Variants in ZC3H18 observed in about 807,000 individuals in gnomAD.
ZC3H18 encodes the protein zinc finger CCCH-type containing 18.
In ZC3H18, 8 loss-of-function variants were observed where a neutral mutation model predicts 106.1. The ratio of observed to expected loss-of-function variants is 0.08; its 90% CI spans 0.04 to 0.14. The LOEUF (loss-of-function observed/expected upper bound fraction) is 0.14. ZC3H18 is among the 10% of genes least tolerant of loss of function. ZC3H18 has a pLI of 1.00. For missense variants in ZC3H18, 1,318 were observed against 1,278.4 expected (o/e 1.03, Z -0.47); for synonymous variants, 635 against 522.1 (o/e 1.22, Z -2.95).
intron 3 of ZC3H18, chr16:88,587,711 G>A: frequency 8.1e-7 from 1 of 1,237,360 alleles, no homozygotes; most frequent in Non-Finnish European, 1.1e-6. Flanking sequence ...CAGCTGTGAA[G>A]CCAGAAGGAA....
At chr16:88,624,938 C>T (rs559337258) in intron 12 of ZC3H18, among the ~76,000 whole-genome samples, 193 bp downstream of exon 12, 62 of 152,258 alleles carry the variant, frequency 4.1e-4, no homozygotes, top group Non-Finnish European at 8.5e-4. Flanking sequence ...GTTTCTGGAG[C>T]GTGAAGGGGA....
chr16:88,590,303 G>A (rs186183411), intron 3 of ZC3H18, among the ~76,000 whole-genome samples: 3 of 152,236 alleles, frequency 2.0e-5, no homozygotes, highest in Admixed American at 1.3e-4. Context: ...TCATTTAATC[G>A]CTTAGTGGAC....
At chr16:88,615,768 C>G (rs535142472) in intron 8 of ZC3H18, among the ~76,000 whole-genome samples, 5 of 152,320 alleles carry the variant, frequency 3.3e-5, no homozygotes, top group African/African-American at 1.2e-4. Flanking sequence ...GGCACACGTG[C>G]CTGGCCACAG....
intron 1 of ZC3H18, among the ~76,000 whole-genome samples, chr16:88,576,584 C>G (rs551324237): frequency 1.6e-4 from 24 of 152,238 alleles, no homozygotes; most frequent in African/African-American, 2.4e-4. Context: ...GGCTGGCCTT[C>G]GAGAAGTGTG....
At chr16:88,598,577 A>G (rs771151306) in intron 4 of ZC3H18, 43 bp from the exon 5 acceptor site, 1 of 1,569,742 alleles carries the variant, frequency 6.4e-7, no homozygotes, top group South Asian at 1.1e-5. Context: ...TGTACACTTG[A>G]AAGTTTTACT....
intron 9 of ZC3H18, 84 bp downstream of exon 9, chr16:88,622,472 G>T: frequency 7.0e-7 from 1 of 1,424,088 alleles, no homozygotes; most frequent in Non-Finnish European, 9.4e-7. Flanking sequence ...GTCAGGTGGG[G>T]AACACCCCAG....
chr16:88,613,110 C>T (rs1346663139), intron 8 of ZC3H18, among the ~76,000 whole-genome samples: 3 of 152,236 alleles, frequency 2.0e-5, no homozygotes, highest in African/African-American at 7.2e-5. Context: ...CCATTCAGAA[C>T]GTTTTGTAGA....
Position 88,609,040 on chromosome 16 carries a change from C to A in ZC3H18, c.1195C>A (p.His399Asn). The A allele has an allele frequency of 1.9e-6, 3 of 1,612,564 alleles. No homozygotes were observed. Among genetic ancestry groups the A allele is most frequent in the Non-Finnish European group, 2.5e-6 (3 of 1,179,004 alleles). The change falls in exon 7 of 18, where the codon CAT becomes AAT. Residue 399 changes from histidine (H) to asparagine (N), a missense_variant. His to Asn is a moderately conservative substitution (Grantham distance 68). Transcript: ENST00000301011. Reference protein sequence around the residue: ...RVQYTETEPYHNYRERERERE... With the variant: ...RVQYTETEPYNNYRERERERE... ...GCAGTATACAGAAACAGAGCCGTAT[C>A]ATAATTACCGAGTAAGTATGACTTC...
chr16:88,597,621 A>G (rs1597336497), intron 3 of ZC3H18, among the ~76,000 whole-genome samples: 1 of 152,194 alleles, frequency 6.6e-6, no homozygotes, highest in East Asian at 1.9e-4. Flanking sequence ...TGTGATTGTT[A>G]TTTATGAGCA....
At position 88,577,442 on chromosome 16, in the gene ZC3H18, G is replaced by A. The variant is rs763073773; in HGVS notation, c.319G>A (p.Asp107Asn). The A allele has an allele frequency of 1.2e-5, 20 of 1,609,636 alleles. No homozygotes were observed. Among genetic ancestry groups the A allele is most frequent in the Non-Finnish European group, 1.6e-5 (19 of 1,177,424 alleles). ...CEEEGDEGEE[D>N]RTSDLRDEAS... Reference sequence around the variant, plus strand: ...GGAGGAGGGGGACGAAGGGGAGGAAGACCGGACAAGCGACCTTAGGGATGA... The same window carrying A: ...GGAGGAGGGGGACGAAGGGGAGGAAAACCGGACAAGCGACCTTAGGGATGA... The change falls in exon 2 of 18, where the codon GAC becomes AAC. Residue 107 changes from aspartate to asparagine, a missense_variant. Physicochemically the swap from Asp to Asn is conservative, Grantham distance 23. Around this residue, in one of 6 missense-constraint regions of ZC3H18, gnomAD observed 346 missense variants for 269.0 expected, o/e 1.29. Transcript: ENST00000301011.
Position 88,631,308 on chromosome 16 carries a change from C to T in ZC3H18, c.*9C>T, listed in dbSNP as rs1345494917. 6.4e-7 allele frequency: 1 copy of T among 1,566,868 alleles called. No homozygotes were observed. The highest frequency in any genetic ancestry group is 1.2e-5 in the South Asian group (1 of 86,660). ...TCCCCGGGAAAGCATAGGCCGTGCC[C>T]CGACCGGACTGGACGCATTTTTATA... On this transcript the variant is annotated 3_prime_UTR_variant, in exon 18 of 18. Transcript: ENST00000301011.
chr16:88,613,256 C>T (rs1905373229), intron 8 of ZC3H18, among the ~76,000 whole-genome samples: 1 of 152,192 alleles, frequency 6.6e-6, no homozygotes. Flanking sequence ...CTCTGTTCGT[C>T]TGTTGATGGA....
intron 7 of ZC3H18, among the ~76,000 whole-genome samples, chr16:88,610,872 C>A (rs1905237956): frequency 6.6e-6 from 1 of 152,242 alleles, no homozygotes; most frequent in Admixed American, 6.5e-5. Context: ...GGAAGGCCAT[C>A]TGTGCCAACG....
At chr16:88,570,833 C>T (rs1381856601) in intron 1 of ZC3H18, among the ~76,000 whole-genome samples, 5 of 152,200 alleles carry the variant, frequency 3.3e-5, no homozygotes, top group African/African-American at 9.6e-5. Context: ...CTCCGCGCCC[C>T]GCGGCAGAGT....
rs1328132348 is a variant in ZC3H18 at position 88,598,236 on chromosome 16, G to A, written c.747G>A (p.Gly249=). The change falls in exon 4 of 18, where the codon GGG becomes GGA. Residue 249 remains glycine (G), a synonymous_variant. Coordinates refer to ENST00000301011, the MANE Select transcript of ZC3H18 (RefSeq NM_144604.4). ...TACACCCTGGAGTGAACGACAAGGG[G>A]AACTACTCCCTAATCACCAAAGCCG... is the stretch of plus-strand genomic sequence containing the variant. ...RFIHPGVNDK[G]NYSLITKADP... is the part of the protein sequence containing the mutation. 6.2e-7 allele frequency: 1 copy of A among 1,613,812 alleles called. No homozygotes were observed. Among genetic ancestry groups the A allele is most frequent in the Non-Finnish European group, 8.5e-7 (1 of 1,179,904 alleles).
At position 88,625,309 on chromosome 16, in the gene ZC3H18, C is replaced by T. The variant is rs376522185; in HGVS notation, c.2108+42C>T. The T allele has an allele frequency of 1.7e-5, 26 of 1,556,698 alleles. No homozygotes were observed. In the African/African-American group the frequency reaches 1.9e-4, roughly 11 times the overall value. On this transcript the variant is annotated intron_variant, in intron 13 of 17. Coordinates refer to ENST00000301011, the MANE Select transcript of ZC3H18 (RefSeq NM_144604.4). ...TGTGCCTCTGTTTCTCCCTCCCCGT[C>T]GGGGCCAGGAAGTCCCAGAAGCAGC...
At chr16:88,619,883 C>T (rs1905855013) in intron 8 of ZC3H18, among the ~76,000 whole-genome samples, 1 of 152,174 alleles carries the variant, frequency 6.6e-6, no homozygotes. Context: ...GAGAGTTATA[C>T]AGGAAGTATA....
In ZC3H18 at chr16:88,598,205, G is replaced by A; in HGVS notation, c.716G>A (p.Arg239Lys). Residue 239 changes from arginine (R) to lysine (K), a missense_variant, in exon 4 of 18, where the codon AGG (arginine) becomes AAG (lysine). By Grantham distance (26) the Arg-to-Lys change is conservative. Coordinates refer to ENST00000301011, the MANE Select transcript of ZC3H18 (RefSeq NM_144604.4). The stretch of plus-strand genomic sequence containing the variant: ...AACTGTACCTGGGGAATGAATTGTA[G>A]GTTTATACACCCTGGAGTGAACGAC... ...KGNCTWGMNC[R>K]FIHPGVNDKG... 6.2e-7 allele frequency: 1 copy of A among 1,612,506 alleles called. No individual in the cohort carries two copies. The highest frequency in any genetic ancestry group is 8.5e-7 in the Non-Finnish European group (1 of 1,179,704).
At chr16:88,612,861 G>A (rs1250494635) in intron 8 of ZC3H18, among the ~76,000 whole-genome samples, 1 of 151,874 alleles carries the variant, frequency 6.6e-6, no homozygotes, top group Non-Finnish European at 1.5e-5. Flanking sequence ...ATATTAGCAG[G>A]GCGTGGTAGT....
Sources: gnomAD v4.1 joint callset for allele counts (sites outside exome capture counted in the v4.1 genomes callset) on GRCh38, gnomAD v4.1.1 for gene constraint, gnomAD v4.1.1 regional missense constraint, MANE v1.5 for transcripts, NCBI Gene and HGNC (gene_info 2026-07-23, HGNC 2026-07-21) for gene names.